MCRS1: variants seen among roughly 807,000 people sequenced by gnomAD.
MCRS1 encodes the protein microspherule protein 1.
MCRS1 carries 22 observed loss-of-function variants against 62.9 expected under a neutral mutation model. The ratio of observed to expected loss-of-function variants is 0.35; its 90% CI spans 0.25 to 0.50. The LOEUF (loss-of-function observed/expected upper bound fraction) is 0.50. Among genes scored for constraint, MCRS1 ranks in the 20% least tolerant of loss-of-function variants. The probability of loss-of-function intolerance (pLI) is 0.98; values close to 1 mark genes in which losing one functional copy is unlikely to be tolerated. For missense variants in MCRS1, 456 were observed against 601.1 expected (o/e 0.76, Z 2.52); for synonymous variants, 244 against 233.5 (o/e 1.04, Z -0.41).
Position 49,568,112 on chromosome 12 carries a change from C to T in MCRS1, c.-175G>A, listed in dbSNP as rs976121679. 6.6e-6 allele frequency: 1 copy of T among 152,240 alleles called. No individual in the cohort carries two copies. Among genetic ancestry groups the T allele is most frequent in the Non-Finnish European group, 1.5e-5 (1 of 68,046 alleles). The allele number at this position is 152,240 out of a possible 1,614,324, so 9.4% of individuals were successfully genotyped here. A position where few individuals can be genotyped will look rare whatever the true frequency, so the allele number is the denominator to read the frequency against. On this transcript the variant is annotated 5_prime_UTR_variant, in exon 1 of 15. Coordinates refer to ENST00000343810, the MANE Select transcript of MCRS1 (RefSeq NM_006337.5). ...ACGGTAGCAGCCGCAGGGCCAAAGC[C>T]GGCTTCCGTGAGGTACGTCTACTTC...
chr12:49,558,435 G>A lies in MCRS1; in HGVS notation c.*208C>T. 2 of 574,346 alleles carry A rather than the reference G, an allele frequency of 3.5e-6. No homozygotes were observed. The highest frequency in any genetic ancestry group is 6.1e-6 in the Non-Finnish European group (2 of 328,324). The allele number at this position is 574,346 out of a possible 1,614,324, so 35.6% of individuals were successfully genotyped here. A position where few individuals can be genotyped will look rare whatever the true frequency, so the allele number is the denominator to read the frequency against. ...TTTTAGAGAGAGGAAGATGGGGAGG[G>A]GCTCTGGATCTAGGGAAGCCTGAGG... On this transcript the variant is annotated 3_prime_UTR_variant, in exon 15 of 15. Coordinates refer to ENST00000343810, the MANE Select transcript of MCRS1 (RefSeq NM_006337.5).
At position 49,564,774 on chromosome 12, in the gene MCRS1, G is replaced by C. The variant is rs775362560; in HGVS notation, c.410C>G (p.Pro137Arg). Residue 137 changes from proline (P) to arginine (R), a missense_variant, in exon 5 of 15, where the codon CCT becomes CGT. Around this residue, in one of 3 missense-constraint regions of MCRS1, gnomAD observed 393 missense variants for 523.5 expected, o/e 0.75. Coordinates refer to ENST00000343810, the MANE Select transcript of MCRS1 (RefSeq NM_006337.5). Reference sequence around the variant, plus strand: ...ATTTATGAGCAGGAGGTCATCTGCAGGCTTCCAGCGGCCCAGATCCTTGGT... The same window carrying C: ...ATTTATGAGCAGGAGGTCATCTGCACGCTTCCAGCGGCCCAGATCCTTGGT... Reference protein sequence around the residue: ...QVTKDLGRWKPADDLLLINAV... With the variant: ...QVTKDLGRWKRADDLLLINAV... 6.2e-7 allele frequency: 1 copy of C among 1,613,872 alleles called. No individual in the cohort carries two copies. The highest frequency in any genetic ancestry group is 1.7e-5 in the Admixed American group (1 of 60,008).
Position 49,559,956 on chromosome 12 carries a change from T to C in MCRS1, c.893A>G (p.Asp298Gly). 6.2e-7 allele frequency: 1 copy of C among 1,614,168 alleles called. No individual in the cohort carries two copies. The highest frequency in any genetic ancestry group is 8.5e-7 in the Non-Finnish European group (1 of 1,180,032). Reference protein sequence around the residue: ...IDDSKLKDMRDEVLEHELMVA... With the variant: ...IDDSKLKDMRGEVLEHELMVA... ...ATACTTACCATGTTCCAGGACCTCA[T>C]CTCGCATGTCCCTGAGGGGCAAGAA... Residue 298 changes from aspartate to glycine, a missense_variant, in exon 10 of 15, where the codon GAT becomes GGT. Physicochemically the swap from Asp to Gly is moderately conservative, Grantham distance 94 (BLOSUM62 -1). Coordinates refer to ENST00000343810, the MANE Select transcript of MCRS1 (RefSeq NM_006337.5). The surrounding 1 kb of genome is among the most constrained non-coding windows in gnomAD (Gnocchi z 5.2).
chr12:49,567,363 C>T (rs1939117261), intron 1 of MCRS1, among the ~76,000 whole-genome samples: 1 of 151,660 alleles, frequency 6.6e-6, no homozygotes, highest in Admixed American at 6.6e-5. Context: ...GATACCATCT[C>T]GTGGAAACCA....
At chr12:49,566,535 T>TC in intron 2 of MCRS1, 187 bp downstream of exon 2, 1 of 1,500,374 alleles carries the variant, frequency 6.7e-7, no homozygotes. Flanking sequence ...GCAGCCGTGC[T>TC]AAAGAGCAGC....
At chr12:49,566,525 G>T in intron 2 of MCRS1, 197 bp downstream of exon 2, 1 of 1,509,278 alleles carries the variant, frequency 6.6e-7, no homozygotes. Flanking sequence ...CCATCAAAAT[G>T]CAGCCGTGCT....
At position 49,559,015 on chromosome 12, in the gene MCRS1, T is replaced by C. The variant is rs780171729; in HGVS notation, c.1175-45A>G. The C allele has an allele frequency of 1.7e-5, 28 of 1,605,462 alleles. No individual in the cohort carries two copies. In the Middle Eastern group the frequency reaches 4.9e-4, roughly 28 times the overall value. The stretch of plus-strand genomic sequence containing the variant: ...GAAGGGATGATGGGATGGGGAGGGA[T>C]TGATGGGATGGGGAAAGGCCAGAGA... On this transcript the variant is annotated intron_variant, in intron 13 of 14. Coordinates refer to ENST00000343810, the MANE Select transcript of MCRS1 (RefSeq NM_006337.5). The surrounding 1 kb of genome is among the most constrained non-coding windows in gnomAD (Gnocchi z 5.2).
intron 9 of MCRS1, 114 bp from the exon 10 acceptor site, chr12:49,560,081 AGGCCTT>A: frequency 1.4e-6 from 2 of 1,435,582 alleles, no homozygotes; most frequent in Non-Finnish European, 2.0e-6. Flanking sequence ...GTGGTACATC[AGGCCTT>A]GGCCCAGCCT....
At chr12:49,563,942 C>T (rs1938911665) in intron 6 of MCRS1, among the ~76,000 whole-genome samples, 1 of 152,196 alleles carries the variant, frequency 6.6e-6, no homozygotes, top group Non-Finnish European at 1.5e-5. Flanking sequence ...TTAAGTGGTA[C>T]CAGGGTCTGT....
rs765610019 is a variant in MCRS1, at chr12:49,559,997, G to A, written c.882-30C>T. The A allele has an allele frequency of 1.9e-6, 3 of 1,614,070 alleles. No homozygotes were observed. The highest frequency in any genetic ancestry group is 2.5e-6 in the Non-Finnish European group (3 of 1,179,976). On this transcript the variant is annotated intron_variant, in intron 9 of 14. Coordinates refer to ENST00000343810, the MANE Select transcript of MCRS1 (RefSeq NM_006337.5). This position sits in a 1 kb window ranked among gnomAD's most constrained non-coding sequence, Gnocchi z 5.2. The stretch of plus-strand genomic sequence containing the variant: ...GGGGCAAGAAGAGAAGGAAGATTTA[G>A]GTCCACCTTCAGCTTGCCTGTTACT...
chr12:49,565,391 G>C (rs1043445343), intron 4 of MCRS1, 138 bp downstream of exon 4: 17 of 1,501,562 alleles, frequency 1.1e-5, no homozygotes, highest in African/African-American at 9.9e-5. Flanking sequence ...CCCAGGAGGG[G>C]GGCATCTGAG....
intron 3 of MCRS1, 72 bp downstream of exon 3, chr12:49,566,005 G>A (rs1277651155): frequency 6.4e-7 from 1 of 1,550,468 alleles, no homozygotes. Flanking sequence ...CAACAGATGG[G>A]GAGGCATGTG....
At position 49,559,133 on chromosome 12, in the gene MCRS1, G is replaced by A; in HGVS notation, c.1174+81C>T. The A allele has an allele frequency of 6.5e-7, 1 of 1,545,892 alleles. No individual in the cohort carries two copies. The highest frequency in any genetic ancestry group is 2.3e-5 in the East Asian group (1 of 44,366). ...CCACGAGGGTCCCCATGGACACCAA[G>A]CCCAGGGCTAGAAAGGACAGCGAGA... On this transcript the variant is annotated intron_variant, in intron 13 of 14. Coordinates refer to ENST00000343810, the MANE Select transcript of MCRS1 (RefSeq NM_006337.5). The surrounding 1 kb of genome is among the most constrained non-coding windows in gnomAD (Gnocchi z 5.2).
chr12:49,566,471 G>A, intron 2 of MCRS1: 5 of 1,560,254 alleles, frequency 3.2e-6, no homozygotes, highest in Non-Finnish European at 4.3e-6. Context: ...AGGTCAGACT[G>A]GTGATGCCGA....
At chr12:49,567,862 T>C (rs1234813103) in intron 1 of MCRS1, 186 bp downstream of exon 1, 3 of 152,152 alleles carry the variant, frequency 2.0e-5, no homozygotes, top group Non-Finnish European at 4.4e-5. Context: ...CTCCATGCCT[T>C]TGCGCATGCG....
chr12:49,564,730 G>C lies in MCRS1; in HGVS notation c.447+7C>G. ...GGGGCACACTGAGCCTATGGTGGGG[G>C]CACTACCTGCAACACAGCATTTATG... is the stretch of plus-strand genomic sequence containing the variant. On this transcript the variant is annotated splice_region_variant and intron_variant, in intron 5 of 14. Transcript: ENST00000343810. 6.2e-7 allele frequency: 1 copy of C among 1,607,532 alleles called. No homozygotes were observed. Among genetic ancestry groups the C allele is most frequent in the Non-Finnish European group, 8.5e-7 (1 of 1,175,826 alleles).
Position 49,559,665 on chromosome 12 carries a change from C to G in MCRS1, c.1003+64G>C, listed in dbSNP as rs1938650809. On this transcript the variant is annotated intron_variant, in intron 11 of 14. Coordinates refer to ENST00000343810, the MANE Select transcript of MCRS1 (RefSeq NM_006337.5). This position sits in a 1 kb window ranked among gnomAD's most constrained non-coding sequence, Gnocchi z 5.2. ...GAGGGTCTCCCCAGCCAGGCAGCAA[C>G]AGGGGCACAGGCTGGGGCGAAGGAT... 2.5e-6 allele frequency: 4 copies of G among 1,600,892 alleles called. No individual in the cohort carries two copies. Among genetic ancestry groups the G allele is most frequent in the Non-Finnish European group, 3.4e-6 (4 of 1,169,600 alleles).
rs1938659979 is a variant in MCRS1 at position 49,559,788 on chromosome 12, T to C, written c.944A>G (p.Glu315Gly). The C allele has an allele frequency of 6.2e-7, 1 of 1,614,140 alleles. No individual in the cohort carries two copies. The highest frequency in any genetic ancestry group is 8.5e-7 in the Non-Finnish European group (1 of 1,180,002). ...CAGTTCCTGTTCCAGCTGCCGAATCTCTCGCTTCTGGCGCCGGTCAGCCAC... is the reference window on the plus strand; with the variant it reads ...CAGTTCCTGTTCCAGCTGCCGAATCCCTCGCTTCTGGCGCCGGTCAGCCAC... ...LMVADRRQKR[E>G]IRQLEQELHK... Residue 315 changes from glutamate (E) to glycine (G), a missense_variant, in exon 11 of 15, where the codon GAG becomes GGG. Glu to Gly is a moderately conservative substitution (Grantham distance 98, BLOSUM62 -2). Around this residue, in one of 3 missense-constraint regions of MCRS1, gnomAD observed 393 missense variants for 523.5 expected, o/e 0.75. Coordinates refer to ENST00000343810, the MANE Select transcript of MCRS1 (RefSeq NM_006337.5). The surrounding 1 kb of genome is among the most constrained non-coding windows in gnomAD (Gnocchi z 5.2).
rs752556771 is a variant in MCRS1 at position 49,566,240 on chromosome 12, C to T, written c.11-25G>A. The T allele has an allele frequency of 1.9e-5, 31 of 1,604,884 alleles. No individual in the cohort carries two copies. In the Middle Eastern group the frequency reaches 5.0e-4, roughly 26 times the overall value. On this transcript the variant is annotated intron_variant, in intron 2 of 14. Coordinates refer to ENST00000343810, the MANE Select transcript of MCRS1 (RefSeq NM_006337.5). ...TCTAGCAAGAGAGAAATGGTGGATTCGGGCCTCCTAAGATCCTAGAGCCTC... is the reference window on the plus strand; with the variant it reads ...TCTAGCAAGAGAGAAATGGTGGATTTGGGCCTCCTAAGATCCTAGAGCCTC...
Sources: gnomAD v4.1 joint callset for allele counts (sites outside exome capture counted in the v4.1 genomes callset) on GRCh38, gnomAD v4.1.1 for gene constraint, gnomAD v4.1.1 regional missense constraint, Gnocchi (gnomAD v3.1) non-coding constraint, MANE v1.5 for transcripts, NCBI Gene and HGNC (gene_info 2026-07-23, HGNC 2026-07-21) for gene names.